Variants in ASIC2 observed in about 807,000 individuals in gnomAD.
ASIC2 encodes acid-sensing ion channel 2.
ASIC2 carries 25 observed loss-of-function variants against 57.3 expected under a neutral mutation model. The observed-to-expected ratio is 0.44, with a 90% CI of 0.32 to 0.61. ASIC2 has a LOEUF of 0.61. ASIC2 is among the 20% of genes least tolerant of loss of function. The pLI, the probability that ASIC2 is intolerant of heterozygous loss-of-function variation, is 0.06. For synonymous variants in ASIC2, 319 were observed against 307.5 expected (o/e 1.04, Z -0.39); for missense variants, 641 against 738.1 (o/e 0.87, Z 1.52).
chr17:33,465,222 G>A (rs371918795), intron 1 of ASIC2, among the ~76,000 whole-genome samples: 1 of 152,106 alleles, frequency 6.6e-6, no homozygotes, highest in Non-Finnish European at 1.5e-5. Flanking sequence ...ACACCAGGCT[G>A]GTTTCTAATG....
chr17:33,787,636 AGGGG>A, intron 1 of ASIC2, among the ~76,000 whole-genome samples: 1 of 152,332 alleles, frequency 6.6e-6, no homozygotes, highest in African/African-American at 2.4e-5. Context: ...AGCAGCATGT[AGGGG>A]AGGGTGACAA....
At position 33,312,981 on chromosome 17, in the gene ASIC2, G is replaced by A. The variant is rs1436858934; in HGVS notation, c.556-200914C>T. ...CAAAAACTCACGATCTTCCATATTG[G>A]TGAACAAGAACCTAAGGTGAACAGT... On this transcript the variant is annotated intron_variant, in intron 1 of 9. Coordinates refer to the ASIC2 transcript ENST00000359872. 2.0e-5 allele frequency among the ~76,000 whole-genome samples: 3 copies of A among 152,140 alleles called. No individual in the cohort carries two copies. The East Asian group carries it at 5.8e-4, about 29-fold the overall frequency.
intron 2 of ASIC2, among the ~76,000 whole-genome samples, chr17:33,101,951 A>G (rs1365646198): frequency 1.3e-5 from 2 of 151,942 alleles, no homozygotes; most frequent in African/African-American, 4.8e-5. Context: ...TCTATGGCAG[A>G]GCTGTAAAAT....
intron 1 of ASIC2, among the ~76,000 whole-genome samples, chr17:33,957,523 A>G (rs925873828): frequency 4.6e-5 from 7 of 152,206 alleles, no homozygotes; most frequent in African/African-American, 1.7e-4. Context: ...CATATCATAC[A>G]TGGCAGCAGG....
At chr17:33,606,747 T>A (rs1905241661) in intron 1 of ASIC2, among the ~76,000 whole-genome samples, 1 of 152,098 alleles carries the variant, frequency 6.6e-6, no homozygotes, top group Non-Finnish European at 1.5e-5. Flanking sequence ...ACTGAAACAT[T>A]CAAATCCTGT....
chr17:33,673,559 C>T (rs992756757), intron 1 of ASIC2, among the ~76,000 whole-genome samples: 1 of 152,148 alleles, frequency 6.6e-6, no homozygotes, highest in African/African-American at 2.4e-5. Flanking sequence ...GCAAAGGCTC[C>T]AGGACCACAT....
At chr17:33,216,329 A>G (rs1907486838) in intron 1 of ASIC2, among the ~76,000 whole-genome samples, 1 of 152,242 alleles carries the variant, frequency 6.6e-6, no homozygotes, top group South Asian at 2.1e-4. Context: ...GGGATAATCC[A>G]TTCATTCAGC....
At chr17:33,132,468 C>G (rs978147158) in intron 1 of ASIC2, among the ~76,000 whole-genome samples, 4 of 152,044 alleles carry the variant, frequency 2.6e-5, no homozygotes, top group African/African-American at 9.7e-5. Flanking sequence ...GGCTGGGGGC[C>G]AGTTGTTTTC....
chr17:33,596,690 T>C (rs1217746942), intron 1 of ASIC2, among the ~76,000 whole-genome samples: 5 of 152,130 alleles, frequency 3.3e-5, no homozygotes, highest in Non-Finnish European at 7.4e-5. Flanking sequence ...CCCTCCTCCT[T>C]CCTTTTCCTT....
At chr17:34,023,060 C>T (rs79802014) in intron 1 of ASIC2, among the ~76,000 whole-genome samples, 11,602 of 152,176 alleles carry the variant, frequency 0.076, 1,114 homozygotes, top group African/African-American at 0.23. Flanking sequence ...TCCCTGAGGA[C>T]TCATCCACCA....
intron 1 of ASIC2, among the ~76,000 whole-genome samples, chr17:34,087,674 C>A (rs1425437872): frequency 6.6e-6 from 1 of 152,012 alleles, no homozygotes; most frequent in Non-Finnish European, 1.5e-5. Flanking sequence ...CTTTCAGGTA[C>A]ACCAATCAGA....
chr17:34,068,585 C>G lies in ASIC2; in HGVS notation c.555+87393G>C, dbSNP rs566140611. On this transcript the variant is annotated intron_variant, in intron 1 of 9. Transcript: ENST00000359872. ...AGGGTCTTAGCTTTTTCCTGTAAAA[C>G]AATGGAGTGGAACCAAATGGTTTGA... Among the ~76,000 whole-genome samples the G allele has an allele frequency of 4.6e-5, 7 of 152,288 alleles. No homozygotes were observed. The East Asian group carries it at 1.4e-3, about 29-fold the overall frequency.
intron 1 of ASIC2, among the ~76,000 whole-genome samples, chr17:34,016,229 C>T (rs1227415008): frequency 6.6e-6 from 1 of 151,900 alleles, no homozygotes; most frequent in Non-Finnish European, 1.5e-5. Flanking sequence ...TCAAGACCAT[C>T]CTGGATAACA....
chr17:33,985,294 C>A (rs897852898), intron 1 of ASIC2, among the ~76,000 whole-genome samples: 9 of 152,176 alleles, frequency 5.9e-5, no homozygotes, highest in African/African-American at 1.7e-4. Flanking sequence ...AACCTCCCCC[C>A]ACTCACACAT....
intron 1 of ASIC2, among the ~76,000 whole-genome samples, chr17:33,333,647 T>C (rs1157444945): frequency 1.3e-5 from 2 of 152,192 alleles, no homozygotes; most frequent in East Asian, 3.8e-4. Flanking sequence ...TGAGTACATA[T>C]TCCTTTCATA....
chr17:33,688,305 C>T (rs1232243836), intron 1 of ASIC2, among the ~76,000 whole-genome samples: 4 of 152,278 alleles, frequency 2.6e-5, no homozygotes, highest in South Asian at 2.1e-4. Context: ...TGCCCTGTTG[C>T]GGCCCACTGG....
intron 1 of ASIC2, among the ~76,000 whole-genome samples, chr17:33,957,670 G>A (rs890822056): frequency 1.3e-5 from 2 of 152,084 alleles, no homozygotes; most frequent in African/African-American, 2.4e-5. Flanking sequence ...CCCATGACAC[G>A]TGGGGATTAT....
chr17:33,203,648 G>A (rs1285454720), intron 1 of ASIC2, among the ~76,000 whole-genome samples: 1 of 152,082 alleles, frequency 6.6e-6, no homozygotes, highest in African/African-American at 2.4e-5. Context: ...CTCGGGGTTG[G>A]CAATGTTATT....
At chr17:33,238,817 A>T (rs1439659823) in intron 1 of ASIC2, among the ~76,000 whole-genome samples, 5 of 152,186 alleles carry the variant, frequency 3.3e-5, no homozygotes, top group Non-Finnish European at 4.4e-5. Flanking sequence ...TAGCCTGGCC[A>T]ACATGGTGAA....
Sources: allele counts gnomAD v4.1 joint callset (sites outside exome capture counted in the v4.1 genomes callset), GRCh38; gene constraint gnomAD v4.1.1; transcripts MANE v1.5; gene names NCBI Gene and HGNC (gene_info 2026-07-23, HGNC 2026-07-21).